CYP4X1: variants seen among roughly 807,000 people sequenced by gnomAD.
The protein encoded by CYP4X1 is cytochrome P450 family 4 subfamily X member 1.
A neutral mutation model predicts 57.9 loss-of-function variants in CYP4X1; 44 were observed. The ratio of observed to expected loss-of-function variants is 0.76; its 90% confidence interval spans 0.60 to 0.98. CYP4X1 has a LOEUF of 0.98. Among genes scored for constraint, CYP4X1 ranks in the 50% least tolerant of loss-of-function variants. CYP4X1 has a pLI of 0.00. For missense variants in CYP4X1, 532 were observed against 623.9 expected (o/e 0.85, Z 1.57); for synonymous variants, 227 against 228.6 (o/e 0.99, Z 0.06).
chr1:47,015,890 C>A, the CYP4X1 span, among the ~76,000 whole-genome samples: 2 of 152,196 alleles, frequency 1.3e-5, no homozygotes, highest in Non-Finnish European at 2.9e-5. Flanking sequence ...CTCTTAGAAT[C>A]TTCTATCCTT....
chr1:47,027,641 G>A (rs931284279), intron 1 of CYP4X1, among the ~76,000 whole-genome samples: 2 of 152,140 alleles, frequency 1.3e-5, no homozygotes, highest in African/African-American at 2.4e-5. Flanking sequence ...GATAAAGTGT[G>A]TATAGGGAAA....
chr1:47,014,979 G>A, the CYP4X1 span, among the ~76,000 whole-genome samples: 1 of 152,162 alleles, frequency 6.6e-6, no homozygotes, highest in African/African-American at 2.4e-5. Flanking sequence ...GAGGTTAGGG[G>A]TAGTCTTTTT....
rs772745954 is a variant in CYP4X1 at position 47,038,659 on chromosome 1, G to T, written c.776-1G>T. On this transcript the variant is annotated splice_acceptor_variant, in intron 6 of 11. Coordinates refer to ENST00000371901, the MANE Select transcript of CYP4X1 (RefSeq NM_178033.2). LOFTEE classifies it high-confidence loss of function. ...TAATTGGAAACTATTTTTCTACCCA[G>T]ATACAATAATCCAGGAAAGAAAGAA... The T allele has an allele frequency of 3.1e-6, 5 of 1,600,052 alleles. No homozygotes were observed. The highest frequency in any genetic ancestry group is 4.3e-6 in the Non-Finnish European group (5 of 1,173,962).
the CYP4X1 span, among the ~76,000 whole-genome samples, chr1:47,011,941 A>G: frequency 6.6e-6 from 1 of 152,220 alleles, no homozygotes; most frequent in Admixed American, 6.5e-5. Flanking sequence ...AGAAATAGGA[A>G]CACTTTTACA....
At chr1:47,047,032 T>C (rs1339324313) in intron 9 of CYP4X1, among the ~76,000 whole-genome samples, 1 of 152,212 alleles carries the variant, frequency 6.6e-6, no homozygotes, top group Non-Finnish European at 1.5e-5. Context: ...TAATAGTTAA[T>C]ATAGAGCCTT....
At chr1:47,046,994 A>C (rs917194861) in intron 9 of CYP4X1, among the ~76,000 whole-genome samples, 6 of 152,200 alleles carry the variant, frequency 3.9e-5, no homozygotes, top group African/African-American at 1.4e-4. Context: ...TCATCATCAT[A>C]ATATCACCCT....
At chr1:47,005,415 A>G in the CYP4X1 span, among the ~76,000 whole-genome samples, 1 of 152,174 alleles carries the variant, frequency 6.6e-6, no homozygotes, top group Non-Finnish European at 1.5e-5. Context: ...TCAAACTGCC[A>G]TGGAGACTGC....
the CYP4X1 span, among the ~76,000 whole-genome samples, chr1:46,980,871 A>T: frequency 1.3e-5 from 2 of 152,214 alleles, no homozygotes; most frequent in East Asian, 3.8e-4. Context: ...AAAAGCAAGA[A>T]ATGGGGAAAG....
At chr1:47,019,481 A>G (rs1569592623), upstream of CYP4X1, among the ~76,000 whole-genome samples, 1 of 152,352 alleles carries the variant, frequency 6.6e-6, no homozygotes, top group Middle Eastern at 3.4e-3. Context: ...GCCTTTGTAT[A>G]AGGGCACTGG....
intron 8 of CYP4X1, among the ~76,000 whole-genome samples, chr1:47,044,006 G>C (rs1371913405): frequency 6.6e-6 from 1 of 152,142 alleles, no homozygotes; most frequent in Non-Finnish European, 1.5e-5. Flanking sequence ...ATGAGATGCT[G>C]TAGGGGCATA....
the CYP4X1 span, among the ~76,000 whole-genome samples, chr1:46,962,779 G>C: frequency 6.6e-6 from 1 of 152,170 alleles, no homozygotes. Context: ...GCTTGGTGCA[G>C]AGATGAATTC....
the CYP4X1 span, among the ~76,000 whole-genome samples, chr1:46,982,345 C>T: frequency 6.6e-6 from 1 of 152,076 alleles, no homozygotes; most frequent in Non-Finnish European, 1.5e-5. Context: ...CCGTGTCTGT[C>T]ATCTCAGCCA....
upstream of CYP4X1, among the ~76,000 whole-genome samples, chr1:47,020,841 C>T (rs544801514): frequency 1.3e-5 from 2 of 152,218 alleles, no homozygotes; most frequent in South Asian, 2.1e-4. Flanking sequence ...ATTATAATTT[C>T]GGTCAAAGGT....
chr1:46,962,094 G>A, the CYP4X1 span, among the ~76,000 whole-genome samples: 2 of 152,080 alleles, frequency 1.3e-5, no homozygotes, highest in African/African-American at 4.8e-5. Context: ...TGAAGTATGA[G>A]CTTTCTTTTT....
intron 10 of CYP4X1, among the ~76,000 whole-genome samples, chr1:47,049,179 C>G: frequency 6.6e-6 from 1 of 152,070 alleles, no homozygotes. Context: ...ACATAGTACC[C>G]TAAAAAAATG....
chr1:46,993,180 G>T, the CYP4X1 span, among the ~76,000 whole-genome samples: 1 of 149,452 alleles, frequency 6.7e-6, no homozygotes, highest in Admixed American at 6.8e-5. Flanking sequence ...AGAACATGCG[G>T]TGTTTGGTTT....
At chr1:47,016,183 A>T in the CYP4X1 span, among the ~76,000 whole-genome samples, 1 of 151,984 alleles carries the variant, frequency 6.6e-6, no homozygotes, top group Non-Finnish European at 1.5e-5. Context: ...TAAAACATTT[A>T]TTGTGTGCCC....
the CYP4X1 span, among the ~76,000 whole-genome samples, chr1:47,009,550 T>C: frequency 6.6e-6 from 1 of 151,700 alleles, no homozygotes; most frequent in Non-Finnish European, 1.5e-5. Context: ...AGGCAAGAAA[T>C]AACTAAGATC....
downstream of CYP4X1, among the ~76,000 whole-genome samples, chr1:47,051,442 A>G (rs1010597285): frequency 6.6e-6 from 1 of 151,720 alleles, no homozygotes; most frequent in African/African-American, 2.4e-5. Flanking sequence ...GGTATCTTCC[A>G]TAATCTCTCT....
Sources: allele counts gnomAD v4.1 joint callset (sites outside exome capture counted in the v4.1 genomes callset), GRCh38; gene constraint gnomAD v4.1.1; transcripts MANE v1.5; gene names NCBI Gene and HGNC (gene_info 2026-07-23, HGNC 2026-07-21).